The following POLR2D variants were observed in gnomAD, a reference collection of about 807,000 sequenced individuals.
POLR2D encodes DNA-directed RNA polymerase II subunit RPB4.
Under a neutral mutation model 17.6 loss-of-function variants are expected in POLR2D, and 10 were observed. That is an observed-to-expected ratio of 0.57 (90% CI 0.35 to 0.96). The LOEUF (loss-of-function observed/expected upper bound fraction) is 0.96, where lower values mean the gene tolerates loss of function less well. Among genes scored for constraint, POLR2D ranks in the 40% least tolerant of loss-of-function variants. The pLI, the probability that POLR2D is intolerant of heterozygous loss-of-function variation, is 0.02. For missense variants in POLR2D, 126 were observed against 176.4 expected (o/e 0.71, Z 1.62); for synonymous variants, 52 against 60.2 (o/e 0.86, Z 0.63).
Position 127,852,962 on chromosome 2 carries a change from G to T in POLR2D, c.217C>A (p.Arg73Ser). ...KTLNYTARFSRFKNRETIASV... is the reference protein window; with the variant it reads ...KTLNYTARFSSFKNRETIASV... ...GCAATGGTCTCTCTGTTTTTGAAAC[G>T]ACTGAAACGGGCTGTGTAGTTTAAT... The change falls in exon 2 of 4, where the codon CGT (arginine) becomes AGT (serine). Residue 73 changes from arginine (R) to serine (S), a missense_variant. Physicochemically the swap from Arg to Ser is moderately radical, Grantham distance 110 (BLOSUM62 -1). Coordinates refer to ENST00000272645, the MANE Select transcript of POLR2D (RefSeq NM_004805.4). The surrounding 1 kb of genome is among the most constrained non-coding windows in gnomAD (Gnocchi z 4.0). 2.5e-6 allele frequency: 4 copies of T among 1,613,710 alleles called. No homozygotes were observed. Among genetic ancestry groups the T allele is most frequent in the Non-Finnish European group, 3.4e-6 (4 of 1,179,850 alleles).
rs1369134854 is a variant in POLR2D at position 127,844,413 on chromosome 2, A to T, written c.*3694T>A. The T allele has an allele frequency of 6.6e-6, 1 of 152,244 alleles. No individual in the cohort carries two copies. The highest frequency in any genetic ancestry group is 1.5e-5 in the Non-Finnish European group (1 of 68,048). 9.4% of individuals were successfully genotyped at this position (152,244 alleles called of 1,614,324 possible). ...AGCTTTCTGGTGAAGTGAGGGTTTG[A>T]CAACCTATCTTTTTGTTGTATCAGT... is the stretch of plus-strand genomic sequence containing the variant. On this transcript the variant is annotated 3_prime_UTR_variant, in exon 4 of 4. Coordinates refer to ENST00000272645, the MANE Select transcript of POLR2D (RefSeq NM_004805.4).
intron 3 of POLR2D, among the ~76,000 whole-genome samples, chr2:127,849,179 G>A (rs996960058): frequency 9.2e-5 from 14 of 151,876 alleles, no homozygotes; most frequent in African/African-American, 2.9e-4. Context: ...CGAGTAGCCG[G>A]GACTACAGTC....
At chr2:127,848,321 A>T in intron 3 of POLR2D, 136 bp from the exon 4 acceptor site, 1 of 593,072 alleles carries the variant, frequency 1.7e-6, no homozygotes, top group Non-Finnish European at 3.0e-6. Context: ...ACTTTTCCTG[A>T]TAAAACATTA....
intron 1 of POLR2D, 70 bp from the exon 2 acceptor site, chr2:127,853,175 G>A: frequency 8.3e-7 from 1 of 1,198,102 alleles, no homozygotes; most frequent in Non-Finnish European, 1.2e-6. Context: ...TGTTCACTGT[G>A]CATTTGAACA....
chr2:127,857,800 AG>A, intron 1 of POLR2D: 1 of 1,305,406 alleles, frequency 7.7e-7, no homozygotes, highest in South Asian at 2.2e-5. Context: ...TCTTTGACAC[AG>A]GTCCCCGGAA....
Position 127,845,842 on chromosome 2 carries a change from T to C in POLR2D, c.*2265A>G, listed in dbSNP as rs1439571171. 1 of 152,256 alleles carries C rather than the reference T, an allele frequency of 6.6e-6. No individual in the cohort carries two copies. Among genetic ancestry groups the C allele is most frequent in the Non-Finnish European group, 1.5e-5 (1 of 68,050 alleles). The allele number at this position is 152,256 out of a possible 1,614,324, so 9.4% of individuals were successfully genotyped here. ...TGGAACATACTATATATCAGACACC[T>C]CTAGGCTCTTTGTAATAATTTCCTG... On this transcript the variant is annotated 3_prime_UTR_variant, in exon 4 of 4. Coordinates refer to ENST00000272645, the MANE Select transcript of POLR2D (RefSeq NM_004805.4).
At chr2:127,855,394 CAAAAAAAAAAAAAA>C in intron 1 of POLR2D, among the ~76,000 whole-genome samples, 1 of 51,274 alleles carries the variant, frequency 2.0e-5, no homozygotes, top group East Asian at 6.4e-4. Flanking sequence ...AACTCCGTCT[CAAAAAAAAAAAAAA>C]AAAAAAAAAA....
intron 1 of POLR2D, among the ~76,000 whole-genome samples, chr2:127,854,619 G>C (rs2104726291): frequency 6.6e-6 from 1 of 152,248 alleles, no homozygotes; most frequent in Admixed American, 6.5e-5. Context: ...GGGTCAGGAG[G>C]AAACTGTATT....
At chr2:127,855,803 A>ACG (rs1491308395) in intron 1 of POLR2D, among the ~76,000 whole-genome samples, 9 of 66,558 alleles carry the variant, frequency 1.4e-4, no homozygotes, top group African/African-American at 2.6e-4. Context: ...GCGCGCACAT[A>ACG]CACACACACA....
chr2:127,849,211 A>G (rs376883937), intron 3 of POLR2D, among the ~76,000 whole-genome samples: 3 of 151,428 alleles, frequency 2.0e-5, no homozygotes, highest in African/African-American at 7.3e-5. Context: ...CACCCAGCTA[A>G]TTTTGTATTT....
chr2:127,857,897 C>G, intron 1 of POLR2D, 131 bp downstream of exon 1: 2 of 1,390,720 alleles, frequency 1.4e-6, no homozygotes, highest in Non-Finnish European at 1.9e-6. Flanking sequence ...TGTTCCCTCC[C>G]CAGCCCCACG....
In POLR2D at chr2:127,847,875, G is replaced by A. The variant is rs1690181657; in HGVS notation, c.*232C>T. On this transcript the variant is annotated 3_prime_UTR_variant, in exon 4 of 4. Coordinates refer to ENST00000272645, the MANE Select transcript of POLR2D (RefSeq NM_004805.4). ...CTCATCTCACACTTCGCAGAGGCACGTTCAGGAAGCCACTGGCTGCCACTG... is the reference window on the plus strand; with the variant it reads ...CTCATCTCACACTTCGCAGAGGCACATTCAGGAAGCCACTGGCTGCCACTG... 3.7e-6 allele frequency: 2 copies of A among 543,194 alleles called. No individual in the cohort carries two copies. Among genetic ancestry groups the A allele is most frequent in the Non-Finnish European group, 6.6e-6 (2 of 304,298 alleles). 33.6% of individuals were successfully genotyped at this position (543,194 alleles called of 1,614,324 possible).
intron 1 of POLR2D, among the ~76,000 whole-genome samples, chr2:127,857,552 C>G (rs1690359101): frequency 6.6e-6 from 1 of 152,200 alleles, no homozygotes; most frequent in Non-Finnish European, 1.5e-5. Flanking sequence ...AGTCAACAAA[C>G]CAAGCTGCGT....
chr2:127,845,830 A>G lies in POLR2D; in HGVS notation c.*2277T>C, dbSNP rs193298177. 3.9e-5 allele frequency: 6 copies of G among 152,210 alleles called. No homozygotes were observed. Among genetic ancestry groups the G allele is most frequent in the African/African-American group, 7.2e-5 (3 of 41,452 alleles). 9.4% of individuals were successfully genotyped at this position (152,210 alleles called of 1,614,324 possible). A position where few individuals can be genotyped will look rare whatever the true frequency, so the allele number is the denominator to read the frequency against. On this transcript the variant is annotated 3_prime_UTR_variant, in exon 4 of 4. Transcript: ENST00000272645. ...GTGAACATTTACTGGAACATACTAT[A>G]TATCAGACACCTCTAGGCTCTTTGT...
In POLR2D at chr2:127,852,778, C is replaced by A; in HGVS notation, c.254+147G>T. 3.1e-6 allele frequency: 2 copies of A among 654,894 alleles called. No homozygotes were observed. The highest frequency in any genetic ancestry group is 3.8e-5 in the South Asian group (2 of 53,162). 40.6% of individuals were successfully genotyped at this position (654,894 alleles called of 1,614,324 possible). A position where few individuals can be genotyped will look rare whatever the true frequency, so the allele number is the denominator to read the frequency against. ...CAAGTGATCTGCTGCCTCAACCTTCCAAAGTGCTGGGTGTGAGCCACCATG... is the reference window on the plus strand; with the variant it reads ...CAAGTGATCTGCTGCCTCAACCTTCAAAAGTGCTGGGTGTGAGCCACCATG... On this transcript the variant is annotated intron_variant, in intron 2 of 3. Coordinates refer to ENST00000272645, the MANE Select transcript of POLR2D (RefSeq NM_004805.4). The surrounding 1 kb of genome is among the most constrained non-coding windows in gnomAD (Gnocchi z 4.0).
intron 1 of POLR2D, chr2:127,857,631 G>A (rs34803766): frequency 0.22 from 44,755 of 206,826 alleles, 5,961 homozygotes; most frequent in South Asian, 0.43. Flanking sequence ...CCGAGCTCCC[G>A]CTCACCACAT....
At chr2:127,850,040 C>G (rs79168822) in intron 3 of POLR2D, among the ~76,000 whole-genome samples, 3,724 of 152,254 alleles carry the variant, frequency 0.024, 137 homozygotes, top group African/African-American at 0.084. Flanking sequence ...AATGATTGTT[C>G]TAATTAACAC....
rs552904625 is a variant in POLR2D at position 127,848,070 on chromosome 2, G to A, written c.*37C>T. ...AGTGGGAAGGTGGTGTTATGCCTGG[G>A]GATGTGGTTTCTCCGAGCAGCAGTG... On this transcript the variant is annotated 3_prime_UTR_variant, in exon 4 of 4. Transcript: ENST00000272645. 4.5e-6 allele frequency: 6 copies of A among 1,346,556 alleles called. No individual in the cohort carries two copies. The South Asian group carries it at 5.8e-5, about 13-fold the overall frequency. 83.4% of individuals were successfully genotyped at this position (1,346,556 alleles called of 1,614,324 possible). A position where few individuals can be genotyped will look rare whatever the true frequency, so the allele number is the denominator to read the frequency against.
At position 127,852,241 on chromosome 2, in the gene POLR2D, T is replaced by G. The variant is rs1192611780; in HGVS notation, c.254+684A>C. 6.6e-6 allele frequency among the ~76,000 whole-genome samples: 1 copy of G among 152,154 alleles called. No individual in the cohort carries two copies. Among genetic ancestry groups the G allele is most frequent in the East Asian group, 1.9e-4 (1 of 5,198 alleles). ...ACAGTACCATTTAGATCACACATACTGGACTTACACAAAATATGACAGATT... is the reference window on the plus strand; with the variant it reads ...ACAGTACCATTTAGATCACACATACGGGACTTACACAAAATATGACAGATT... On this transcript the variant is annotated intron_variant, in intron 2 of 3. Coordinates refer to ENST00000272645, the MANE Select transcript of POLR2D (RefSeq NM_004805.4). The surrounding 1 kb of genome is among the most constrained non-coding windows in gnomAD (Gnocchi z 4.0).
Sources: gnomAD v4.1 joint callset for allele counts (sites outside exome capture counted in the v4.1 genomes callset) on GRCh38, gnomAD v4.1.1 for gene constraint, Gnocchi (gnomAD v3.1) non-coding constraint, MANE v1.5 for transcripts, NCBI Gene and HGNC (gene_info 2026-07-23, HGNC 2026-07-21) for gene names.